Variants in PDS5A observed in about 807,000 individuals in gnomAD.
PDS5A encodes PDS5 cohesin associated factor A.
A neutral mutation model predicts 167.1 loss-of-function variants in PDS5A; 42 were observed. The observed-to-expected ratio is 0.25, with a 90% CI of 0.20 to 0.33. The LOEUF (loss-of-function observed/expected upper bound fraction) is 0.33, where lower values mean the gene tolerates loss of function less well. PDS5A is among the 10% of genes least tolerant of loss of function. The probability of loss-of-function intolerance (pLI) is 1.00; values close to 1 mark genes in which losing one functional copy is unlikely to be tolerated. For missense variants in PDS5A, 1,033 were observed against 1,605.9 expected (o/e 0.64, Z 6.10); for synonymous variants, 553 against 554.6 (o/e 1.00, Z 0.04).
intron 31 of PDS5A, among the ~76,000 whole-genome samples, chr4:39,838,547 T>A (rs932129123): frequency 1.3e-5 from 2 of 151,934 alleles, no homozygotes; most frequent in Non-Finnish European, 2.9e-5. Flanking sequence ...CATAGTGAGA[T>A]CCCATCTCTA....
intron 19 of PDS5A, 103 bp from the exon 20 acceptor site, chr4:39,874,515 G>GA: frequency 1.1e-6 from 1 of 877,134 alleles, no homozygotes; most frequent in African/African-American, 1.7e-5. Flanking sequence ...TGCTAGTAGA[G>GA]AAGGCTCTCT....
intron 2 of PDS5A, chr4:39,973,504 C>T (rs990033243): frequency 2.3e-6 from 3 of 1,312,000 alleles, no homozygotes; most frequent in East Asian, 4.6e-5. Context: ...TGATGATGAA[C>T]GTCTCCAGAA....
chr4:39,956,931 C>T (rs1326840656), intron 2 of PDS5A, among the ~76,000 whole-genome samples: 1 of 152,142 alleles, frequency 6.6e-6, no homozygotes, highest in African/African-American at 2.4e-5. Flanking sequence ...CCTCAGCCTC[C>T]CAAAGTGCTG....
At chr4:39,928,264 C>T (rs983037906) in intron 2 of PDS5A, 100 bp from the exon 3 acceptor site, 11 of 683,978 alleles carry the variant, frequency 1.6e-5, no homozygotes, top group Admixed American at 8.4e-5. Context: ...CATTAGCAAT[C>T]GGTGGCCACC....
Position 39,922,750 on chromosome 4 carries a change from T to C in PDS5A, c.528-2A>G. The stretch of plus-strand genomic sequence containing the variant: ...TGTACCTTCTTATTGTGGCTATTGC[T>C]ATAAAAAAAAAAAAAAAAGAATAAG... On this transcript the variant is annotated splice_acceptor_variant, in intron 5 of 32. Transcript: ENST00000303538. LOFTEE classifies it high-confidence loss of function. The C allele has an allele frequency of 7.9e-7, 1 of 1,273,336 alleles. No individual in the cohort carries two copies. The highest frequency in any genetic ancestry group is 2.3e-5 in the South Asian group (1 of 44,314). The allele number at this position is 1,273,336 out of a possible 1,614,324, so 78.9% of individuals were successfully genotyped here.
At chr4:39,904,246 T>A (rs1404970006) in intron 11 of PDS5A, 55 bp from the exon 12 acceptor site, 1 of 1,296,298 alleles carries the variant, frequency 7.7e-7, no homozygotes. Context: ...TGTACTAATC[T>A]CCAAAGACTG....
At chr4:39,840,487 C>T (rs950727704) in intron 31 of PDS5A, among the ~76,000 whole-genome samples, 4 of 151,834 alleles carry the variant, frequency 2.6e-5, no homozygotes, top group South Asian at 2.1e-4. Flanking sequence ...CCTCCACCTC[C>T]GCGGTTCAAG....
intron 17 of PDS5A, among the ~76,000 whole-genome samples, chr4:39,882,794 C>T (rs1721073678): frequency 6.6e-6 from 1 of 152,054 alleles, no homozygotes; most frequent in African/African-American, 2.4e-5. Context: ...AAGTATTTTT[C>T]CTCTTTTATA....
intron 2 of PDS5A, among the ~76,000 whole-genome samples, chr4:39,934,849 T>C (rs1726436171): frequency 6.6e-6 from 1 of 152,160 alleles, no homozygotes; most frequent in African/African-American, 2.4e-5. Context: ...CTACGTTTTC[T>C]TGGTGACGTG....
chr4:39,945,458 C>CA (rs1210256217), intron 2 of PDS5A, among the ~76,000 whole-genome samples: 4,768 of 65,694 alleles, frequency 0.073, 313 homozygotes, highest in African/African-American at 0.19. Context: ...GAGACTGCCT[C>CA]AAAAAAAAAA....
At chr4:39,851,679 T>C (rs909669364) in intron 26 of PDS5A, among the ~76,000 whole-genome samples, 5 of 152,242 alleles carry the variant, frequency 3.3e-5, no homozygotes, top group Non-Finnish European at 5.9e-5. Context: ...TCTGCTTTTA[T>C]ACTTTTAACA....
chr4:39,838,239 C>T lies in PDS5A; in HGVS notation c.3658-31G>A, dbSNP rs1429612873. The T allele has an allele frequency of 5.1e-6, 7 of 1,369,358 alleles. No individual in the cohort carries two copies. In the South Asian group the frequency reaches 7.3e-5, roughly 14 times the overall value. 84.8% of individuals were successfully genotyped at this position (1,369,358 alleles called of 1,614,324 possible). A position where few individuals can be genotyped will look rare whatever the true frequency, so the allele number is the denominator to read the frequency against. On this transcript the variant is annotated intron_variant, in intron 31 of 32. Coordinates refer to ENST00000303538, the MANE Select transcript of PDS5A (RefSeq NM_001100399.2). ...AAAGCACAAAACAATTCTATAAACACAAATTCCTTAAATATTAATGATCTC... is the reference window on the plus strand; with the variant it reads ...AAAGCACAAAACAATTCTATAAACATAAATTCCTTAAATATTAATGATCTC...
rs779665600 is a variant in PDS5A, at chr4:39,823,431, A to G, written c.*2054T>C. 3.9e-5 allele frequency: 6 copies of G among 152,512 alleles called. No homozygotes were observed. The highest frequency in any genetic ancestry group is 8.8e-5 in the Non-Finnish European group (6 of 68,044). The allele number at this position is 152,512 out of a possible 1,614,324, so 9.4% of individuals were successfully genotyped here. On this transcript the variant is annotated 3_prime_UTR_variant, in exon 33 of 33. Transcript: ENST00000303538. ...GATGCAGATGGTTCTGCTACATTTT[A>G]TTTAATATGATGTAACACTTGGTAA...
At chr4:39,848,621 T>G (rs1435389052) in intron 28 of PDS5A, 1 of 441,394 alleles carries the variant, frequency 2.3e-6, no homozygotes, top group Non-Finnish European at 4.0e-6. Flanking sequence ...ATCTGAAAAC[T>G]TTAATACTAG....
At chr4:39,973,537 A>G in intron 2 of PDS5A, 2 of 1,325,104 alleles carry the variant, frequency 1.5e-6, no homozygotes, top group Non-Finnish European at 2.2e-6. Context: ...ATTTGGTACA[A>G]TCACTAGTGC....
At chr4:39,913,765 T>G in intron 8 of PDS5A, 39 bp from the exon 9 acceptor site, 1 of 1,006,254 alleles carries the variant, frequency 9.9e-7, no homozygotes, top group Admixed American at 1.7e-5. Flanking sequence ...TAAGCTTTAT[T>G]CACCAGATTA....
intron 16 of PDS5A, among the ~76,000 whole-genome samples, chr4:39,894,242 T>C (rs1722207339): frequency 6.6e-6 from 1 of 151,988 alleles, no homozygotes; most frequent in Non-Finnish European, 1.5e-5. Context: ...ATCTCATCTC[T>C]ACTAAAAATA....
At chr4:39,869,914 C>T (rs1407174983) in intron 21 of PDS5A, among the ~76,000 whole-genome samples, 1 of 152,116 alleles carries the variant, frequency 6.6e-6, no homozygotes, top group Non-Finnish European at 1.5e-5. Flanking sequence ...TGAGACCAGC[C>T]TGGCTAACAT....
At chr4:39,922,595 C>T in intron 6 of PDS5A, 27 bp downstream of exon 6, 1 of 1,505,800 alleles carries the variant, frequency 6.6e-7, no homozygotes, top group Non-Finnish European at 8.9e-7. Flanking sequence ...TAAACATTAA[C>T]CTTGAATATC....
Sources: gnomAD v4.1 joint callset for allele counts (sites outside exome capture counted in the v4.1 genomes callset) on GRCh38, gnomAD v4.1.1 for gene constraint, MANE v1.5 for transcripts, NCBI Gene and HGNC (gene_info 2026-07-23, HGNC 2026-07-21) for gene names.